Variants in DOCK7 observed in about 807,000 individuals in gnomAD.
DOCK7 encodes the protein dedicator of cytokinesis protein 7.
In DOCK7, 138 loss-of-function variants were observed where a neutral mutation model predicts 271.0. That is an observed-to-expected ratio of 0.51 (90% confidence interval 0.44 to 0.59). The LOEUF is 0.59. Ranked by LOEUF, DOCK7 falls within the 20% of genes least tolerant of loss-of-function variation. The pLI is 0.00. For missense variants in DOCK7, 2,066 were observed against 2,592.4 expected (o/e 0.80, Z 4.41); for synonymous variants, 823 against 876.1 (o/e 0.94, Z 1.07).
intron 34 of DOCK7, among the ~76,000 whole-genome samples, chr1:62,509,614 G>A (rs911489182): frequency 2.0e-5 from 3 of 151,902 alleles, no homozygotes; most frequent in African/African-American, 4.8e-5. Context: ...TTGGACAGAC[G>A]GAGAAAAAGA....
At chr1:62,544,439 G>C (rs1179765) in intron 23 of DOCK7, among the ~76,000 whole-genome samples, 87,872 of 151,942 alleles carry the variant, frequency 0.58, 27,231 homozygotes, top group East Asian at 0.76. Flanking sequence ...TTCTGGTATT[G>C]AGTCTTATAG....
intron 14 of DOCK7, chr1:62,605,480 C>T (rs975111559): frequency 2.0e-5 from 3 of 152,552 alleles, no homozygotes; most frequent in Non-Finnish European, 4.4e-5. Flanking sequence ...GTCACATTGA[C>T]TTTAACATGA....
intron 14 of DOCK7, chr1:62,603,904 A>T: frequency 2.0e-6 from 3 of 1,514,712 alleles, no homozygotes; most frequent in Non-Finnish European, 2.7e-6. Flanking sequence ...AAAAACACTT[A>T]AAAAAACTGT....
At chr1:62,535,688 CA>C in intron 28 of DOCK7, 56 bp from the exon 29 acceptor site, 1 of 1,512,372 alleles carries the variant, frequency 6.6e-7, no homozygotes, top group Non-Finnish European at 9.0e-7. Flanking sequence ...AAGCATCCTA[CA>C]GACAGAGCAA....
At chr1:62,495,491 T>C in intron 39 of DOCK7, 90 bp downstream of exon 39, 6 of 744,068 alleles carry the variant, frequency 8.1e-6, no homozygotes, top group Non-Finnish European at 1.2e-5. Context: ...TCACAAATCA[T>C]TTTTGTGTGT....
chr1:62,558,363 C>T (rs930744849), intron 20 of DOCK7, among the ~76,000 whole-genome samples: 26 of 152,252 alleles, frequency 1.7e-4, no homozygotes, highest in African/African-American at 6.0e-4. Context: ...CTTTGTGTCA[C>T]TAGTCAAACA....
chr1:62,533,988 A>G (rs1382002693), intron 29 of DOCK7, among the ~76,000 whole-genome samples: 9 of 146,094 alleles, frequency 6.2e-5, no homozygotes, highest in Non-Finnish European at 1.3e-4. Context: ...GGGATGCTGG[A>G]CCACAACACA....
intron 2 of DOCK7, among the ~76,000 whole-genome samples, chr1:62,661,560 T>G (rs1398168285): frequency 6.6e-6 from 1 of 152,132 alleles, no homozygotes; most frequent in African/African-American, 2.4e-5. Flanking sequence ...CCAGATATTA[T>G]TTCTAGGGCA....
intron 22 of DOCK7, among the ~76,000 whole-genome samples, chr1:62,545,488 T>C (rs1396767171): frequency 1.3e-5 from 2 of 152,132 alleles, no homozygotes; most frequent in African/African-American, 4.8e-5. Flanking sequence ...AAAACTACTA[T>C]GCAGTGATAC....
rs371796592 is a variant in DOCK7, at chr1:62,632,379, C to A, written c.1117-974G>T. ...ATGTAAAATGACAACCTGGGGACAG[C>A]CAGAATACTATACTTAAACCATTAG... is the stretch of plus-strand genomic sequence containing the variant. On this transcript the variant is annotated intron_variant, in intron 10 of 49. Transcript: ENST00000635253. Among the ~76,000 whole-genome samples, 33 of 152,166 alleles carry A rather than the reference C, an allele frequency of 2.2e-4. No homozygotes were observed. In the East Asian group the frequency reaches 2.9e-3, roughly 13 times the overall value.
intron 29 of DOCK7, among the ~76,000 whole-genome samples, chr1:62,535,156 T>G (rs1571439469): frequency 6.6e-6 from 1 of 152,154 alleles, no homozygotes; most frequent in Non-Finnish European, 1.5e-5. Flanking sequence ...TTTCCTCAAA[T>G]GACAAGCATT....
intron 34 of DOCK7, among the ~76,000 whole-genome samples, chr1:62,509,530 T>C (rs1399104438): frequency 1.3e-5 from 2 of 152,052 alleles, no homozygotes; most frequent in South Asian, 2.1e-4. Flanking sequence ...ACTACTATAC[T>C]GATAGTACAG....
intron 22 of DOCK7, among the ~76,000 whole-genome samples, chr1:62,549,697 T>C (rs1382771865): frequency 2.1e-4 from 32 of 152,146 alleles, no homozygotes; most frequent in Non-Finnish European, 4.4e-5. Flanking sequence ...AACTAAATAA[T>C]AAACAGTATT....
intron 43 of DOCK7, chr1:62,479,042 T>A (rs1180704436): frequency 6.6e-6 from 1 of 152,154 alleles, no homozygotes; most frequent in East Asian, 1.9e-4. Flanking sequence ...TGTGCCACCT[T>A]GCTCAGCTAA....
chr1:62,675,316 T>C (rs1021920615), intron 1 of DOCK7, among the ~76,000 whole-genome samples: 30 of 152,120 alleles, frequency 2.0e-4, no homozygotes, highest in Admixed American at 1.0e-3. Context: ...GCTGGGAAGA[T>C]AGCTTGAGCC....
chr1:62,480,779 C>CG (rs1406710769), intron 43 of DOCK7, among the ~76,000 whole-genome samples: 3 of 151,916 alleles, frequency 2.0e-5, no homozygotes, highest in Non-Finnish European at 4.4e-5. Context: ...GAGGCCAAGG[C>CG]GGGGGGGATC....
At chr1:62,519,238 A>C (rs976946112) in intron 31 of DOCK7, among the ~76,000 whole-genome samples, 5 of 152,224 alleles carry the variant, frequency 3.3e-5, no homozygotes, top group Admixed American at 2.0e-4. Flanking sequence ...TGCAAAATTT[A>C]GTAAAGACCA....
Position 62,462,283 on chromosome 1 carries a change from G to A in DOCK7, c.6213-4578C>T, listed in dbSNP as rs182961101. On this transcript the variant is annotated intron_variant, in intron 48 of 49. Coordinates refer to ENST00000635253, the MANE Select transcript of DOCK7 (RefSeq NM_001367561.1). ...AGGTTATTTTTTGGGTGCATGGAGT[G>A]AAAAATTGATTCTAAAATTTAAAAT... Among the ~76,000 whole-genome samples the A allele has an allele frequency of 5.3e-5, 8 of 152,184 alleles. No individual in the cohort carries two copies. In the East Asian group the frequency reaches 1.2e-3, roughly 22 times the overall value.
At chr1:62,635,112 ACATT>A (rs940235126) in intron 8 of DOCK7, 190 bp from the exon 9 acceptor site, 2 of 390,444 alleles carry the variant, frequency 5.1e-6, no homozygotes, top group African/African-American at 4.2e-5. Context: ...CTTTTTAAAA[ACATT>A]CATGTTAAAT....
Sources: gnomAD v4.1 joint callset for allele counts (sites outside exome capture counted in the v4.1 genomes callset) on GRCh38, gnomAD v4.1.1 for gene constraint, MANE v1.5 for transcripts, NCBI Gene and HGNC (gene_info 2026-07-23, HGNC 2026-07-21) for gene names.